ARHGAP10: variants seen among roughly 807,000 people sequenced by gnomAD.
ARHGAP10 encodes the protein rho GTPase-activating protein 10.
Under a neutral mutation model 108.6 loss-of-function variants are expected in ARHGAP10, and 87 were observed. The observed-to-expected ratio is 0.80, with a 90% CI of 0.67 to 0.96. ARHGAP10 has a LOEUF of 0.96. Ranked by LOEUF, ARHGAP10 falls within the 40% of genes least tolerant of loss-of-function variation. The pLI is 0.00. For synonymous variants in ARHGAP10, 347 were observed against 341.1 expected (o/e 1.02, Z -0.19); for missense variants, 939 against 954.5 (o/e 0.98, Z 0.21).
intron 13 of ARHGAP10, among the ~76,000 whole-genome samples, chr4:147,919,932 A>G (rs1449055487): frequency 6.6e-6 from 1 of 151,988 alleles, no homozygotes; most frequent in Non-Finnish European, 1.5e-5. Flanking sequence ...CTTAATTGCT[A>G]TTGGATGTGG....
At chr4:147,819,649 C>A (rs368567553) in intron 1 of ARHGAP10, among the ~76,000 whole-genome samples, 55 of 152,168 alleles carry the variant, frequency 3.6e-4, no homozygotes, top group Admixed American at 1.1e-3. Context: ...CCGGGTTCCT[C>A]CCGGGTTCAC....
chr4:147,994,425 T>C (rs903951640), intron 18 of ARHGAP10, among the ~76,000 whole-genome samples: 3 of 152,234 alleles, frequency 2.0e-5, no homozygotes, highest in Non-Finnish European at 4.4e-5. Context: ...TTACTTATTC[T>C]TAATTACCAG....
intron 18 of ARHGAP10, among the ~76,000 whole-genome samples, chr4:147,995,290 G>A (rs975327142): frequency 6.6e-6 from 1 of 152,058 alleles, no homozygotes; most frequent in Admixed American, 6.6e-5. Flanking sequence ...ATACCAGTGC[G>A]TATACACCAT....
chr4:147,914,166 G>A (rs935781820), intron 13 of ARHGAP10, among the ~76,000 whole-genome samples: 5 of 152,112 alleles, frequency 3.3e-5, no homozygotes, highest in East Asian at 1.9e-4. Context: ...AAAGAAATCC[G>A]CTTTATTGAG....
At chr4:147,879,735 C>T (rs1482873815) in intron 9 of ARHGAP10, among the ~76,000 whole-genome samples, 1 of 152,102 alleles carries the variant, frequency 6.6e-6, no homozygotes, top group Non-Finnish European at 1.5e-5. Flanking sequence ...TGATGTTCCC[C>T]TCCCTGTGTC....
At chr4:147,867,171 TC>T (rs1198210949) in intron 7 of ARHGAP10, among the ~76,000 whole-genome samples, 1 of 152,210 alleles carries the variant, frequency 6.6e-6, no homozygotes, top group East Asian at 1.9e-4. Context: ...TGATTTTTGT[TC>T]CCAGATAGGC....
At chr4:148,042,606 A>G (rs994673033) in intron 19 of ARHGAP10, among the ~76,000 whole-genome samples, 1 of 152,114 alleles carries the variant, frequency 6.6e-6, no homozygotes, top group Non-Finnish European at 1.5e-5. Flanking sequence ...GACACTGGTA[A>G]CTCTGAAAAC....
intron 18 of ARHGAP10, among the ~76,000 whole-genome samples, chr4:147,971,816 C>T (rs749080284): frequency 6.6e-6 from 1 of 152,096 alleles, no homozygotes; most frequent in Non-Finnish European, 1.5e-5. Flanking sequence ...CTTAATCTGA[C>T]AGCAGGATTT....
At position 147,882,056 on chromosome 4, in the gene ARHGAP10, A is replaced by T. The variant is rs190176492; in HGVS notation, c.1034+124A>T. The T allele has an allele frequency of 1.3e-4, 113 of 861,180 alleles. No individual in the cohort carries two copies. In the African/African-American group the frequency reaches 1.7e-3, roughly 13 times the overall value. 53.3% of individuals were successfully genotyped at this position (861,180 alleles called of 1,614,324 possible). On this transcript the variant is annotated intron_variant, in intron 10 of 22. Transcript: ENST00000336498. ...GAGAATGTTATCTTGCTATATTTCC[A>T]GGCTGTGTGTTCATTATAAGCTGTT... is the stretch of plus-strand genomic sequence containing the variant.
chr4:147,775,103 C>T (rs74670711), intron 1 of ARHGAP10, among the ~76,000 whole-genome samples: 338 of 152,052 alleles, frequency 2.2e-3, no homozygotes, highest in Non-Finnish European at 4.0e-3. Flanking sequence ...TTAGTAGAGA[C>T]GGGGTTTCAC....
At chr4:147,864,701 TGTC>T in intron 5 of ARHGAP10, 142 bp from the exon 6 acceptor site, 1 of 610,900 alleles carries the variant, frequency 1.6e-6, no homozygotes, top group African/African-American at 1.9e-5. Context: ...ATAAATGAAT[TGTC>T]GTACCTGTGT....
At chr4:147,990,895 G>A (rs939807161) in intron 18 of ARHGAP10, among the ~76,000 whole-genome samples, 1 of 151,934 alleles carries the variant, frequency 6.6e-6, no homozygotes, top group African/African-American at 2.4e-5. Context: ...GCATACCTGT[G>A]GTCCCAGCTA....
At chr4:147,980,791 G>C (rs1398929393) in intron 18 of ARHGAP10, among the ~76,000 whole-genome samples, 1 of 152,108 alleles carries the variant, frequency 6.6e-6, no homozygotes, top group Admixed American at 6.5e-5. Flanking sequence ...TATGTTTCCA[G>C]GAATTTGTCT....
At chr4:147,934,154 G>T (rs1737829561) in intron 13 of ARHGAP10, among the ~76,000 whole-genome samples, 1 of 152,222 alleles carries the variant, frequency 6.6e-6, no homozygotes, top group African/African-American at 2.4e-5. Context: ...CAAAGCACCA[G>T]TGTGCAAGAT....
chr4:147,911,994 CGTGTGTGTGT>C (rs36217593), intron 12 of ARHGAP10, among the ~76,000 whole-genome samples: 28,261 of 135,164 alleles, frequency 0.21, 3,492 homozygotes, highest in East Asian at 0.27. Flanking sequence ...AGAACATTCA[CGTGTGTGTGT>C]GTGTGTGTGT....
At chr4:147,757,736 A>G (rs1729438765) in intron 1 of ARHGAP10, among the ~76,000 whole-genome samples, 1 of 152,160 alleles carries the variant, frequency 6.6e-6, no homozygotes, top group African/African-American at 2.4e-5. Flanking sequence ...TTCTTCAGTC[A>G]CCTTCCTAAG....
intron 19 of ARHGAP10, among the ~76,000 whole-genome samples, chr4:148,034,484 A>ATTTT (rs76525018): frequency 7.2e-6 from 1 of 139,164 alleles, no homozygotes; most frequent in Non-Finnish European, 1.6e-5. Context: ...CTCCCGGCTA[A>ATTTT]TTTTTTTTTT....
At chr4:147,838,382 A>G (rs1221521163) in intron 3 of ARHGAP10, among the ~76,000 whole-genome samples, 2 of 151,706 alleles carry the variant, frequency 1.3e-5, no homozygotes, top group Non-Finnish European at 2.9e-5. Flanking sequence ...AGGCAGGAGG[A>G]TTGTTTCAGC....
chr4:147,773,949 G>T (rs1730179678), intron 1 of ARHGAP10, among the ~76,000 whole-genome samples: 1 of 152,186 alleles, frequency 6.6e-6, no homozygotes, highest in Non-Finnish European at 1.5e-5. Context: ...AGCACATCTG[G>T]TTAGAAGCAG....
Sources: allele counts gnomAD v4.1 joint callset (sites outside exome capture counted in the v4.1 genomes callset), GRCh38; gene constraint gnomAD v4.1.1; transcripts MANE v1.5; gene names NCBI Gene and HGNC (gene_info 2026-07-23, HGNC 2026-07-21).